The following LMO7 variants were observed in gnomAD, a reference collection of about 807,000 sequenced individuals.
LMO7 encodes the protein LIM domain 7.
LMO7 carries 120 observed loss-of-function variants against 206.5 expected under a neutral mutation model. The observed-to-expected ratio is 0.58, with a 90% CI of 0.50 to 0.68. The LOEUF (loss-of-function observed/expected upper bound fraction) is 0.68, where lower values mean the gene tolerates loss of function less well. Ranked by LOEUF, LMO7 falls within the 30% of genes least tolerant of loss-of-function variation. LMO7 has a pLI of 0.00. For missense variants in LMO7, 1,959 were observed against 1,957.9 expected (o/e 1.00, Z -0.01); for synonymous variants, 706 against 681.5 (o/e 1.04, Z -0.56).
At chr13:75,806,736 A>T (rs1259076003) in intron 9 of LMO7, 1 of 152,254 alleles carries the variant, frequency 6.6e-6, no homozygotes. Context: ...CCTATTGCAT[A>T]AAGTGCATGA....
In LMO7 at chr13:75,641,301, G is replaced by A. The variant is rs9593107; in HGVS notation, c.69+4575G>A. Among the ~76,000 whole-genome samples the A allele has an allele frequency of 9.9e-3, 1,503 of 152,286 alleles. 32 individuals are homozygous for A. The highest frequency in any genetic ancestry group is 0.034 in the African/African-American group (1,393 of 41,564). On this transcript the variant is annotated intron_variant, in intron 1 of 30. Transcript: ENST00000377534. ...ACATTTTGGCCTTTTTTAACTTGTC[G>A]TGTGTGAAATCTTGAAGTTGCAGAC...
At chr13:75,786,537 G>A (rs1356851288) in intron 4 of LMO7, among the ~76,000 whole-genome samples, 1 of 151,966 alleles carries the variant, frequency 6.6e-6, no homozygotes, top group African/African-American at 2.4e-5. Context: ...ACCACGCCTG[G>A]CTAATTTTTT....
chr13:75,650,139 CT>C (rs1412544421), intron 1 of LMO7, among the ~76,000 whole-genome samples: 6 of 149,054 alleles, frequency 4.0e-5, no homozygotes, highest in Admixed American at 2.0e-4. Context: ...TTTTCTTTTT[CT>C]TTTTTTTTGA....
In LMO7 at chr13:75,852,267, T is replaced by C. The variant is rs534718342; in HGVS notation, c.4365-825T>C. Among the ~76,000 whole-genome samples the C allele has an allele frequency of 3.9e-5, 6 of 152,350 alleles. No individual in the cohort carries two copies. The South Asian group carries it at 1.2e-3, about 32-fold the overall frequency. ...AAAAATAAACAAAGGTGTTCTCACT[T>C]GTAAGCGGGAGCTAAACATTGAGTA... On this transcript the variant is annotated intron_variant, in intron 27 of 30. Transcript: ENST00000377534.
chr13:75,680,092 C>G (rs920813879), intron 1 of LMO7, among the ~76,000 whole-genome samples: 10 of 152,140 alleles, frequency 6.6e-5, no homozygotes, highest in African/African-American at 2.4e-4. Context: ...TGTTCCCCTC[C>G]CTGTGTCCAT....
chr13:75,780,251 A>G (rs1315549912), intron 4 of LMO7, among the ~76,000 whole-genome samples: 1 of 152,128 alleles, frequency 6.6e-6, no homozygotes, highest in African/African-American at 2.4e-5. Flanking sequence ...GAATTTCCCA[A>G]TCCTAACAAG....
At chr13:75,851,680 T>A (rs563612144) in intron 27 of LMO7, among the ~76,000 whole-genome samples, 186 of 152,008 alleles carry the variant, frequency 1.2e-3, no homozygotes, top group African/African-American at 4.4e-3. Flanking sequence ...TAGGTAGTAC[T>A]AATGTTAGTA....
intron 1 of LMO7, among the ~76,000 whole-genome samples, chr13:75,684,805 G>A (rs1359765740): frequency 6.7e-6 from 1 of 149,328 alleles, no homozygotes; most frequent in Non-Finnish European, 1.5e-5. Context: ...ATGTGTGTGT[G>A]TGTATATGTA....
At chr13:75,850,799 C>T (rs7996791) in intron 27 of LMO7, among the ~76,000 whole-genome samples, 98,508 of 151,692 alleles carry the variant, frequency 0.65, 32,383 homozygotes, top group Middle Eastern at 0.71. Context: ...TAGGTTTCTG[C>T]CACACATTCT....
intron 1 of LMO7, among the ~76,000 whole-genome samples, chr13:75,644,096 C>T (rs1188175488): frequency 6.6e-6 from 1 of 152,018 alleles, no homozygotes; most frequent in Admixed American, 6.6e-5. Flanking sequence ...GTGCCCTACA[C>T]TACATGAGCT....
intron 3 of LMO7, among the ~76,000 whole-genome samples, chr13:75,736,989 T>C (rs1476579134): frequency 6.6e-6 from 1 of 152,218 alleles, no homozygotes; most frequent in Non-Finnish European, 1.5e-5. Context: ...GATAGTGCTA[T>C]AGGTTGAATT....
intron 28 of LMO7, among the ~76,000 whole-genome samples, chr13:75,853,900 A>G (rs1329548242): frequency 1.3e-5 from 2 of 152,236 alleles, no homozygotes; most frequent in Non-Finnish European, 2.9e-5. Context: ...AAGAAATGCA[A>G]AGTCGGATAG....
chr13:75,704,188 T>C (rs1168851907), intron 1 of LMO7, among the ~76,000 whole-genome samples: 1 of 152,220 alleles, frequency 6.6e-6, no homozygotes, highest in Non-Finnish European at 1.5e-5. Flanking sequence ...AAATGCCCTG[T>C]ACTATCTCAT....
intron 1 of LMO7, among the ~76,000 whole-genome samples, chr13:75,661,262 A>G (rs1038460804): frequency 2.6e-5 from 4 of 152,172 alleles, no homozygotes; most frequent in African/African-American, 9.7e-5. Flanking sequence ...TAGATGCCAA[A>G]GGAAAGTTGA....
chr13:75,793,939 G>T (rs2053638169), intron 4 of LMO7, among the ~76,000 whole-genome samples: 1 of 151,928 alleles, frequency 6.6e-6, no homozygotes, highest in African/African-American at 2.4e-5. Flanking sequence ...TTTGCTTTTG[G>T]CTTCTTTTTC....
In LMO7 at chr13:75,792,003, T is replaced by G. The variant is rs565780371; in HGVS notation, c.318-3398T>G. 7.3e-4 allele frequency among the ~76,000 whole-genome samples: 111 copies of G among 152,222 alleles called. 2 individuals are homozygous for G. The highest frequency in any genetic ancestry group is 2.5e-3 in the African/African-American group (104 of 41,498). On this transcript the variant is annotated intron_variant, in intron 4 of 30. Coordinates refer to ENST00000377534, the MANE Select transcript of LMO7 (RefSeq NM_001306080.2). ...CTTTTCTTGAGAGAGGGTCTCGCTTTGTCACCCAGCCTGGAGTGCAGTGGT... is the reference window on the plus strand; with the variant it reads ...CTTTTCTTGAGAGAGGGTCTCGCTTGGTCACCCAGCCTGGAGTGCAGTGGT...
intron 3 of LMO7, among the ~76,000 whole-genome samples, chr13:75,753,395 G>A (rs1250915072): frequency 6.6e-6 from 1 of 152,098 alleles, no homozygotes; most frequent in Non-Finnish European, 1.5e-5. Flanking sequence ...CTTTTGCTGT[G>A]CAGAAGCCTT....
chr13:75,738,066 G>A (rs1048304904), intron 3 of LMO7, among the ~76,000 whole-genome samples: 1 of 151,828 alleles, frequency 6.6e-6, no homozygotes, highest in Non-Finnish European at 1.5e-5. Context: ...ATGAGCTGTG[G>A]TCAGGAGTGT....
chr13:75,834,690 T>C (rs907296209), intron 17 of LMO7, among the ~76,000 whole-genome samples: 3 of 152,172 alleles, frequency 2.0e-5, no homozygotes, highest in African/African-American at 7.2e-5. Context: ...TATAATAATA[T>C]TGAGTATTAA....
Sources: allele counts gnomAD v4.1 joint callset (sites outside exome capture counted in the v4.1 genomes callset), GRCh38; gene constraint gnomAD v4.1.1; transcripts MANE v1.5; gene names NCBI Gene and HGNC (gene_info 2026-07-23, HGNC 2026-07-21).